Variants in BTN3A3 observed in about 807,000 individuals in gnomAD.
BTN3A3 encodes the protein butyrophilin 3.
In BTN3A3, 39 loss-of-function variants were observed where a neutral mutation model predicts 43.2. That is an observed-to-expected ratio of 0.90 (90% CI 0.70 to 1.18). BTN3A3 has a LOEUF of 1.18. BTN3A3 is among the 50% of genes most tolerant of loss of function. The pLI, the probability that BTN3A3 is intolerant of heterozygous loss-of-function variation, is 0.00. For synonymous variants in BTN3A3, 255 were observed against 272.7 expected (o/e 0.93, Z 0.64); for missense variants, 631 against 722.8 (o/e 0.87, Z 1.46).
At position 26,452,569 on chromosome 6, in the gene BTN3A3, CTAACAT is replaced by C; in HGVS notation, c.*164_*169del. ...AGAGCTGGGATCTAAACAGCAATAA[CTAACAT>C]TAACAGAGAATTTAAAATGTTCTTA... On this transcript the variant is annotated 3_prime_UTR_variant, in exon 11 of 11. Coordinates refer to ENST00000244519, the MANE Select transcript of BTN3A3 (RefSeq NM_006994.5). The C allele has an allele frequency of 1.6e-6, 1 of 643,486 alleles. No individual in the cohort carries two copies. Among genetic ancestry groups the C allele is most frequent in the South Asian group, 2.1e-5 (1 of 48,080 alleles). The allele number at this position is 643,486 out of a possible 1,614,324, so 39.9% of individuals were successfully genotyped here. A position where few individuals can be genotyped will look rare whatever the true frequency, so the allele number is the denominator to read the frequency against.
At chr6:26,451,606 T>C in intron 10 of BTN3A3, 69 bp from the exon 11 acceptor site, 2 of 1,556,882 alleles carry the variant, frequency 1.3e-6, no homozygotes, top group East Asian at 2.2e-5. Flanking sequence ...GTCCAGGCCT[T>C]GCATGCTGAG....
chr6:26,450,243 G>A (rs1762893687), intron 10 of BTN3A3, 110 bp downstream of exon 10: 2 of 1,344,966 alleles, frequency 1.5e-6, no homozygotes, highest in East Asian at 2.3e-5. Flanking sequence ...GACTAAGAAA[G>A]TTTGGGGTAG....
rs1444949131 is a variant in BTN3A3 at position 26,448,615 on chromosome 6, A to C, written c.917-2A>C. The C allele has an allele frequency of 6.2e-7, 1 of 1,613,734 alleles. No individual in the cohort carries two copies. The highest frequency in any genetic ancestry group is 1.3e-5 in the African/African-American group (1 of 74,856). On this transcript the variant is annotated splice_acceptor_variant, in intron 6 of 10. Transcript: ENST00000244519. LOFTEE classifies it high-confidence loss of function. ...TCTTTTCTTTTTTTGCTTATTTTCC[A>C]GAGAAGCTCCAGGAGGAACTCAGTA...
rs75997823 is a variant in BTN3A3 at position 26,452,448 on chromosome 6, G to C, written c.*37G>C. On this transcript the variant is annotated 3_prime_UTR_variant, in exon 11 of 11. Coordinates refer to ENST00000244519, the MANE Select transcript of BTN3A3 (RefSeq NM_006994.5). ...TTATTCCATATGACAGTTGTTTTGA[G>C]TTTCGTACCACCTTATTGTCCCCTT... The C allele has an allele frequency of 1.3e-6, 2 of 1,523,894 alleles. No individual in the cohort carries two copies. Among genetic ancestry groups the C allele is most frequent in the African/African-American group, 1.4e-5 (1 of 73,000 alleles). The allele number at this position is 1,523,894 out of a possible 1,614,324, so 94.4% of individuals were successfully genotyped here.
chr6:26,445,994 C>G lies in BTN3A3; in HGVS notation c.715+9C>G. The G allele has an allele frequency of 6.2e-7, 1 of 1,613,716 alleles. No homozygotes were observed. On this transcript the variant is annotated intron_variant, in intron 5 of 10. Coordinates refer to ENST00000244519, the MANE Select transcript of BTN3A3 (RefSeq NM_006994.5). ...CAGCATATCCATCGCAGGTCAGTACCCTGCTTGGCCTCAGCTTTACTGAGC... is the reference window on the plus strand; with the variant it reads ...CAGCATATCCATCGCAGGTCAGTACGCTGCTTGGCCTCAGCTTTACTGAGC...
Position 26,446,002 on chromosome 6 carries a change from G to C in BTN3A3, c.715+17G>C, listed in dbSNP as rs201382168. 5 of 1,613,442 alleles carry C rather than the reference G, an allele frequency of 3.1e-6. No homozygotes were observed. In the African/African-American group the frequency reaches 6.7e-5, roughly 22 times the overall value. On this transcript the variant is annotated intron_variant, in intron 5 of 10. Transcript: ENST00000244519. ...CCATCGCAGGTCAGTACCCTGCTTG[G>C]CCTCAGCTTTACTGAGCTGAGCTGT...
intron 1 of BTN3A3, 31 bp from the exon 2 acceptor site, chr6:26,443,351 C>A: frequency 9.3e-7 from 1 of 1,077,270 alleles, no homozygotes; most frequent in Non-Finnish European, 1.3e-6. Flanking sequence ...TCAGAGATGT[C>A]CTGATCAGAT....
rs1762971146 is a variant in BTN3A3, at chr6:26,453,186, A to T, written c.*775A>T. 1 of 152,180 alleles carries T rather than the reference A, an allele frequency of 6.6e-6. No individual in the cohort carries two copies. 9.4% of individuals were successfully genotyped at this position (152,180 alleles called of 1,614,324 possible). On this transcript the variant is annotated 3_prime_UTR_variant, in exon 11 of 11. Transcript: ENST00000244519. ...ATAGGAAATTTGGATCAAGGAAGCT[A>T]AAAGAATTACAGGGATGTTTTTAAT...
Position 26,445,695 on chromosome 6 carries a change from C to G in BTN3A3, c.434-9C>G. On this transcript the variant is annotated splice_polypyrimidine_tract_variant and intron_variant, in intron 4 of 10. Coordinates refer to ENST00000244519, the MANE Select transcript of BTN3A3 (RefSeq NM_006994.5). ...TCTCAAGAATTTAGGGCAATTTATC[C>G]TTCTACAGCATTGGGTTCTGATCTT... 6.2e-7 allele frequency: 1 copy of G among 1,610,642 alleles called. No homozygotes were observed. Among genetic ancestry groups the G allele is most frequent in the Non-Finnish European group, 8.5e-7 (1 of 1,177,180 alleles).
At chr6:26,450,005 A>C in intron 9 of BTN3A3, 102 bp from the exon 10 acceptor site, 2 of 1,333,310 alleles carry the variant, frequency 1.5e-6, no homozygotes, top group Non-Finnish European at 2.1e-6. Context: ...CCTGGAAGAG[A>C]CTCTGAAGAA....
intron 1 of BTN3A3, among the ~76,000 whole-genome samples, chr6:26,442,536 T>C (rs1358653304): frequency 1.3e-5 from 2 of 152,180 alleles, no homozygotes; most frequent in East Asian, 3.9e-4. Flanking sequence ...GACCGCTTAG[T>C]GTATCACCAT....
chr6:26,449,984 G>A, intron 9 of BTN3A3, 123 bp from the exon 10 acceptor site: 1 of 1,181,930 alleles, frequency 8.5e-7, no homozygotes, highest in Non-Finnish European at 1.2e-6. Context: ...TGTAGAGGAA[G>A]GAAGCTGAAG....
In BTN3A3 at chr6:26,451,840, A is replaced by G. The variant is rs770558882; in HGVS notation, c.1184A>G (p.His395Arg). ...TGTGAAAACTTCACATCAGGGAGAC[A>G]TTACTGGGAGGTGGAAGTGGGGGAC... ...LGCENFTSGRHYWEVEVGDRK... is the reference protein window; with the variant it reads ...LGCENFTSGRRYWEVEVGDRK... Residue 395 changes from histidine to arginine, a missense_variant, in exon 11 of 11, where the codon CAT (histidine) becomes CGT (arginine). This residue lies in a region of BTN3A3 where 551 missense variants were observed against 584.0 expected (regional missense o/e 0.94). Coordinates refer to ENST00000244519, the MANE Select transcript of BTN3A3 (RefSeq NM_006994.5). 1.2e-5 allele frequency: 20 copies of G among 1,614,098 alleles called. No homozygotes were observed. Among genetic ancestry groups the G allele is most frequent in the Non-Finnish European group, 1.7e-5 (20 of 1,180,036 alleles).
intron 1 of BTN3A3, 122 bp downstream of exon 1, chr6:26,440,770 C>T (rs1762602811): frequency 7.9e-6 from 1 of 127,374 alleles, no homozygotes; most frequent in African/African-American, 3.1e-5. Flanking sequence ...GGTGCAGTGC[C>T]TCTGTGTGTG....
At chr6:26,448,498 C>G (rs1284337247) in intron 6 of BTN3A3, 50 bp downstream of exon 6, 1 of 1,608,144 alleles carries the variant, frequency 6.2e-7, no homozygotes, top group Non-Finnish European at 8.5e-7. Context: ...ATGCCCCAGC[C>G]TGAAGATCTC....
rs757069765 is a variant in BTN3A3, at chr6:26,443,643, G to A, written c.69G>A (p.Leu23=). The part of the protein sequence containing the change: ...NFHVSLFLVQ[L]LTPCSAQFSV... The stretch of plus-strand genomic sequence containing the variant: ...ATGTCTCCCTCTTCTTGGTCCAGCT[G>A]CTCACTCCTTGCTCAGGTAGGGAAT... The change falls in exon 3 of 11, where the codon CTG becomes CTA. Residue 23 remains leucine (L), a synonymous_variant. Coordinates refer to ENST00000244519, the MANE Select transcript of BTN3A3 (RefSeq NM_006994.5). 2.0e-5 allele frequency: 32 copies of A among 1,614,138 alleles called. No homozygotes were observed. The East Asian group carries it at 7.1e-4, about 36-fold the overall frequency.
chr6:26,440,888 G>C (rs1404347823), intron 1 of BTN3A3, among the ~76,000 whole-genome samples: 1 of 152,086 alleles, frequency 6.6e-6, no homozygotes, highest in Non-Finnish European at 1.5e-5. Context: ...AAAGAATAAA[G>C]ACCTGCAGAT....
At chr6:26,448,534 A>G in intron 6 of BTN3A3, 83 bp from the exon 7 acceptor site, 2 of 1,610,698 alleles carry the variant, frequency 1.2e-6, no homozygotes, top group African/African-American at 1.3e-5. Flanking sequence ...CTGACACTGC[A>G]TCAAGTTTAA....
At chr6:26,444,398 C>A in intron 4 of BTN3A3, 94 bp downstream of exon 4, 2 of 1,588,818 alleles carry the variant, frequency 1.3e-6, no homozygotes, top group South Asian at 2.2e-5. Context: ...ACACTCCTGG[C>A]TGCTCACTAG....
Sources: allele counts gnomAD v4.1 joint callset (sites outside exome capture counted in the v4.1 genomes callset), GRCh38; gene constraint gnomAD v4.1.1; regional missense constraint gnomAD v4.1.1; transcripts MANE v1.5; gene names NCBI Gene and HGNC (gene_info 2026-07-23, HGNC 2026-07-21).